ZNF680: variants seen among roughly 807,000 people sequenced by gnomAD.
ZNF680 encodes the protein zinc finger protein 680, also known as hypothetical protein FLJ90430.
A neutral mutation model predicts 12.1 loss-of-function variants in ZNF680; 6 were observed. The observed-to-expected ratio is 0.49, with a 90% confidence interval of 0.27 to 0.98. ZNF680 has a LOEUF of 0.98. ZNF680 is among the 50% of genes least tolerant of loss of function. The pLI, the probability that ZNF680 is intolerant of heterozygous loss-of-function variation, is 0.12. For missense variants in ZNF680, 561 were observed against 616.3 expected (o/e 0.91, Z 0.95); for synonymous variants, 170 against 199.3 (o/e 0.85, Z 1.24).
rs775113337 is a variant in ZNF680, at chr7:64,521,954, T to C, written c.800A>G (p.Lys267Arg). ...AAAGGCTTTGCCACATTCTTCACATTTGAAGGGTTTCTCTTCAATATGAAT... is the reference window on the plus strand; with the variant it reads ...AAAGGCTTTGCCACATTCTTCACATCTGAAGGGTTTCTCTTCAATATGAAT... ...KKIHIEEKPF[K>R]CEECGKAFSL... The change falls in exon 4 of 4, where the codon AAA becomes AGA. Residue 267 changes from lysine to arginine, a missense_variant. Transcript: ENST00000309683. 1.3e-5 allele frequency: 21 copies of C among 1,612,818 alleles called. No homozygotes were observed. Among genetic ancestry groups the C allele is most frequent in the East Asian group, 2.2e-5 (1 of 44,832 alleles).
chr7:64,507,256 A>G, the ZNF680 span, among the ~76,000 whole-genome samples: 5 of 152,182 alleles, frequency 3.3e-5, no homozygotes, highest in Non-Finnish European at 5.9e-5. Flanking sequence ...AAAAAAGTAG[A>G]AAGTGGAGTA....
chr7:64,521,664 T>C lies in ZNF680; in HGVS notation c.1090A>G (p.Asn364Asp), dbSNP rs990849985. Residue 364 changes from asparagine (N) to aspartate (D), a missense_variant, in exon 4 of 4, where the codon AAC (asparagine) becomes GAC (aspartate). Physicochemically the swap from Asn to Asp is conservative, Grantham distance 23. Transcript: ENST00000309683. ...ECGKAFNQFA[N>D]LTRHKKIHTG... ...TGAATTTTCTTATGTCTAGTAAGGT[T>C]TGCAAACTGGTTAAAAGCTTTGCCA... 3.7e-6 allele frequency: 6 copies of C among 1,612,164 alleles called. No homozygotes were observed. The highest frequency in any genetic ancestry group is 5.1e-6 in the Non-Finnish European group (6 of 1,179,662).
chr7:64,530,640 C>T (rs7801917), intron 3 of ZNF680, among the ~76,000 whole-genome samples: 34,269 of 151,852 alleles, frequency 0.23, 4,055 homozygotes, highest in South Asian at 0.28. Flanking sequence ...GCAGGTGGAT[C>T]ACAAGATCAG....
chr7:64,540,904 GA>G (rs925895899), intron 3 of ZNF680, among the ~76,000 whole-genome samples: 6 of 151,016 alleles, frequency 4.0e-5, no homozygotes, highest in Non-Finnish European at 5.9e-5. Context: ...AAAATTTCAG[GA>G]AAAAAACAGT....
At chr7:64,560,299 C>T (rs186273624) in intron 1 of ZNF680, among the ~76,000 whole-genome samples, 8 of 151,600 alleles carry the variant, frequency 5.3e-5, no homozygotes, top group African/African-American at 1.7e-4. Context: ...TTTTTAGTAG[C>T]GACAAGGCTT....
chr7:64,521,937 T>TG lies in ZNF680; in HGVS notation c.816dup (p.Lys273GlnfsTer4), dbSNP rs757069241. 1 of 1,613,042 alleles carries TG rather than the reference T, an allele frequency of 6.2e-7. No individual in the cohort carries two copies. The highest frequency in any genetic ancestry group is 8.5e-7 in the Non-Finnish European group (1 of 1,179,624). On this transcript the variant is annotated frameshift_variant, in exon 4 of 4. Transcript: ENST00000309683. LOFTEE classifies it low-confidence loss of function (END_TRUNC). ...AGGATTGAGAATAAACTAAAGGCTT[T>TG]GCCACATTCTTCACATTTGAAGGGT...
chr7:64,535,431 G>GGAGA (rs372915423), intron 3 of ZNF680, among the ~76,000 whole-genome samples: 57 of 142,586 alleles, frequency 4.0e-4, no homozygotes, highest in African/African-American at 1.3e-3. Flanking sequence ...AGGGAGGGAG[G>GGAGA]GAGAGAGAGA....
In ZNF680 at chr7:64,521,696, T is replaced by A. The variant is rs765580793; in HGVS notation, c.1058A>T (p.Glu353Val). ...CTGGTTAAAAGCTTTGCCACATTCT[T>A]CACATTTGTAGGGTTTCTCTCCAGT... ...IHTGEKPYKC[E>V]ECGKAFNQFA... The change falls in exon 4 of 4, where the codon GAA becomes GTA. Residue 353 changes from glutamate to valine, a missense_variant. Glu to Val is a moderately radical substitution (Grantham distance 121, BLOSUM62 -2). Transcript: ENST00000309683. The A allele has an allele frequency of 3.3e-5, 54 of 1,612,510 alleles. 1 individual carries two copies. The South Asian group carries it at 5.6e-4, about 17-fold the overall frequency.
chr7:64,535,577 A>G (rs771414179), intron 3 of ZNF680, among the ~76,000 whole-genome samples: 177 of 152,168 alleles, frequency 1.2e-3, no homozygotes, highest in Non-Finnish European at 2.2e-3. Flanking sequence ...AAATGAAAAA[A>G]ATCTTATTTC....
At chr7:64,532,267 T>G (rs1050072108) in intron 3 of ZNF680, among the ~76,000 whole-genome samples, 5 of 150,098 alleles carry the variant, frequency 3.3e-5, no homozygotes, top group African/African-American at 1.2e-4. Flanking sequence ...ATCGTACCAC[T>G]GCACTCCAGC....
chr7:64,543,686 T>C, intron 3 of ZNF680, 21 bp downstream of exon 3: 2 of 1,596,842 alleles, frequency 1.3e-6, no homozygotes, highest in Non-Finnish European at 1.7e-6. Flanking sequence ...ATCTGTTGTA[T>C]TCACTATCAC....
chr7:64,525,220 G>A (rs1177217004), intron 3 of ZNF680: 5 of 151,974 alleles, frequency 3.3e-5, no homozygotes, highest in East Asian at 1.9e-4. Flanking sequence ...AACAGAATGC[G>A]GCACATATAT....
the ZNF680 span, among the ~76,000 whole-genome samples, chr7:64,512,060 C>CAA: frequency 0.013 from 1,456 of 112,566 alleles, 24 homozygotes; most frequent in African/African-American, 0.045. Flanking sequence ...ACTTGGTCTC[C>CAA]AAAAAAAAAA....
Position 64,522,337 on chromosome 7 carries a change from A to T in ZNF680, c.417T>A (p.Tyr139Ter). The T allele has an allele frequency of 6.2e-7, 1 of 1,613,044 alleles. No homozygotes were observed. Among genetic ancestry groups the T allele is most frequent in the South Asian group, 1.1e-5 (1 of 90,954 alleles). The change falls in exon 4 of 4, where the codon TAT (tyrosine) becomes TAA (stop). Residue 139 changes from tyrosine (Y) to a stop codon, truncating the protein, a stop_gained. Coordinates refer to ENST00000309683, the MANE Select transcript of ZNF680 (RefSeq NM_178558.5). LOFTEE classifies it low-confidence loss of function (END_TRUNC). ...TTCTCAAACATTGGTTAAGTTCATT[A>T]TAACCTTCTTTGAACACCTTAGACT... ...VDESKVFKEG[Y>*]NELNQCLRTT...
chr7:64,550,504 T>C (rs1375346727), intron 1 of ZNF680, among the ~76,000 whole-genome samples: 2 of 152,204 alleles, frequency 1.3e-5, no homozygotes, highest in Admixed American at 6.5e-5. Flanking sequence ...AATGGAGTAG[T>C]AGCAGGTGTC....
intron 3 of ZNF680, among the ~76,000 whole-genome samples, chr7:64,537,808 T>C (rs2116459365): frequency 6.6e-6 from 1 of 152,154 alleles, no homozygotes; most frequent in Non-Finnish European, 1.5e-5. Context: ...CGGGCGCCTG[T>C]AGTCCCAGCT....
At chr7:64,543,828 G>T (rs745909615) in intron 2 of ZNF680, 26 bp from the exon 3 acceptor site, 2 of 1,594,330 alleles carry the variant, frequency 1.3e-6, no homozygotes, top group East Asian at 4.5e-5. Context: ...TAAATAACAT[G>T]AATCTTGCTC....
chr7:64,517,878 C>T (rs11772062), downstream of ZNF680, among the ~76,000 whole-genome samples: 30,217 of 151,834 alleles, frequency 0.2, 3,406 homozygotes, highest in South Asian at 0.28. Flanking sequence ...TGACACAATC[C>T]GGCATTCCTT....
At chr7:64,502,230 C>G in the ZNF680 span, among the ~76,000 whole-genome samples, 2 of 152,126 alleles carry the variant, frequency 1.3e-5, no homozygotes, top group East Asian at 3.9e-4. Flanking sequence ...CCAGGCTGGT[C>G]TTGAACTTCT....
Sources: allele counts gnomAD v4.1 joint callset (sites outside exome capture counted in the v4.1 genomes callset), GRCh38; gene constraint gnomAD v4.1.1; transcripts MANE v1.5; gene names NCBI Gene and HGNC (gene_info 2026-07-23, HGNC 2026-07-21).